The following STK33 variants were observed in gnomAD, a reference collection of about 807,000 sequenced individuals.
The protein encoded by STK33 is serine/threonine kinase 33, also known as serine/threonine-protein kinase 33.
STK33 carries 52 observed loss-of-function variants against 58.0 expected under a neutral mutation model. That is an observed-to-expected ratio of 0.90 (90% confidence interval 0.72 to 1.13). STK33 has a LOEUF of 1.13. STK33 is among the 50% of genes most tolerant of loss of function. STK33 has a pLI of 0.00. For synonymous variants in STK33, 215 were observed against 200.1 expected, an observed-to-expected ratio of 1.07 and a Z score of -0.63; for missense variants, 630 against 604.2, an observed-to-expected ratio of 1.04 and a Z score of -0.45.
intron 1 of STK33, among the ~76,000 whole-genome samples, chr11:8,514,302 T>C (rs1197765883): frequency 6.6e-6 from 1 of 152,258 alleles, no homozygotes; most frequent in Non-Finnish European, 1.5e-5. Context: ...ACACATTTTC[T>C]ACAAATTTTC....
the STK33 span, among the ~76,000 whole-genome samples, chr11:8,358,044 T>A: frequency 9.8e-5 from 15 of 152,318 alleles, no homozygotes; most frequent in South Asian, 1.7e-3. Context: ...TCACTCAGCC[T>A]CTTTTCCTAG....
intron 7 of STK33, among the ~76,000 whole-genome samples, chr11:8,464,299 G>A (rs754634909): frequency 6.6e-6 from 1 of 152,024 alleles, no homozygotes; most frequent in Non-Finnish European, 1.5e-5. Context: ...CAGAATTAGC[G>A]AACAGTGAGG....
chr11:8,438,132 A>T (rs1252707578), intron 12 of STK33, among the ~76,000 whole-genome samples: 1 of 152,192 alleles, frequency 6.6e-6, no homozygotes, highest in African/African-American at 2.4e-5. Context: ...ATGCAACTAT[A>T]GCTTAAGGGC....
At position 8,485,498 on chromosome 11, in the gene STK33, T is replaced by C. The variant is rs551510634; in HGVS notation, c.-465-4884A>G. Among the ~76,000 whole-genome samples the C allele has an allele frequency of 2.6e-4, 40 of 152,214 alleles. No individual in the cohort carries two copies. In the South Asian group the frequency reaches 8.3e-3, roughly 32 times the overall value. ...ATTCCACTATACTACAAACAGAAAATTGCAAAAATGTTCTATTGGTTGCTT... is the reference window on the plus strand; with the variant it reads ...ATTCCACTATACTACAAACAGAAAACTGCAAAAATGTTCTATTGGTTGCTT... On this transcript the variant is annotated intron_variant, in intron 1 of 15. Transcript: ENST00000687296.
chr11:8,369,221 C>T, the STK33 span, among the ~76,000 whole-genome samples: 1 of 151,754 alleles, frequency 6.6e-6, no homozygotes, highest in African/African-American at 2.4e-5. Flanking sequence ...GAACACTTAT[C>T]ATCTCTGGGT....
At chr11:8,518,081 C>T (rs1364748533) in intron 1 of STK33, among the ~76,000 whole-genome samples, 1 of 152,144 alleles carries the variant, frequency 6.6e-6, no homozygotes, top group Non-Finnish European at 1.5e-5. Context: ...ATGTTAAGGG[C>T]AGCCAGAGAG....
At chr11:8,567,401 G>A (rs1454253223) in intron 1 of STK33, 1 of 152,138 alleles carries the variant, frequency 6.6e-6, no homozygotes, top group Admixed American at 6.5e-5. Flanking sequence ...ACAGTTCAGT[G>A]CTATAATATT....
At chr11:8,367,113 G>A in the STK33 span, among the ~76,000 whole-genome samples, 2 of 152,226 alleles carry the variant, frequency 1.3e-5, no homozygotes, top group African/African-American at 2.4e-5. Context: ...GAAAGTATAC[G>A]TTTTGTATAT....
intron 1 of STK33, among the ~76,000 whole-genome samples, chr11:8,523,609 G>T (rs557988529): frequency 6.6e-6 from 1 of 151,600 alleles, no homozygotes; most frequent in Non-Finnish European, 1.5e-5. Flanking sequence ...CAGCCTCCCC[G>T]TCTGGGAAGT....
At chr11:8,560,825 T>A (rs1957068170) in intron 1 of STK33, among the ~76,000 whole-genome samples, 1 of 152,168 alleles carries the variant, frequency 6.6e-6, no homozygotes, top group Admixed American at 6.5e-5. Flanking sequence ...AGATGAAGAT[T>A]CTACAGCTAC....
intron 6 of STK33, among the ~76,000 whole-genome samples, chr11:8,471,289 T>G (rs1480058022): frequency 2.0e-4 from 30 of 152,180 alleles, no homozygotes; most frequent in African/African-American, 4.8e-5. Flanking sequence ...GGCCAACTAG[T>G]TTTTTACAAA....
intron 14 of STK33, among the ~76,000 whole-genome samples, chr11:8,422,975 C>A (rs4304764): frequency 0.58 from 86,170 of 149,460 alleles, 25,293 homozygotes; most frequent in South Asian, 0.71. Flanking sequence ...ACTACTAAAA[C>A]TCAGCCGGGC....
chr11:8,427,917 G>C (rs1336003193), intron 14 of STK33, among the ~76,000 whole-genome samples: 1 of 152,078 alleles, frequency 6.6e-6, no homozygotes, highest in Non-Finnish European at 1.5e-5. Context: ...TTTGAAACTT[G>C]GCCCCTAAGC....
At chr11:8,566,992 T>C (rs1227842338) in intron 1 of STK33, among the ~76,000 whole-genome samples, 1 of 151,878 alleles carries the variant, frequency 6.6e-6, no homozygotes, top group Non-Finnish European at 1.5e-5. Flanking sequence ...TACTAAAAAA[T>C]TAGCTGGGGT....
intron 15 of STK33, among the ~76,000 whole-genome samples, chr11:8,403,308 G>C (rs186702307): frequency 5.3e-5 from 8 of 152,186 alleles, no homozygotes; most frequent in African/African-American, 1.7e-4. Context: ...TGATGAATTC[G>C]TACCTGAAAC....
intron 8 of STK33, among the ~76,000 whole-genome samples, chr11:8,459,440 T>C (rs545039045): frequency 3.9e-5 from 6 of 152,294 alleles, no homozygotes; most frequent in African/African-American, 1.4e-4. Context: ...AAACTTACTC[T>C]AGATTTAGAC....
chr11:8,473,206 C>T lies in STK33; in HGVS notation c.296G>A (p.Gly99Glu). 7 of 1,613,382 alleles carry T rather than the reference C, an allele frequency of 4.3e-6. No individual in the cohort carries two copies. Among genetic ancestry groups the T allele is most frequent in the Non-Finnish European group, 5.9e-6 (7 of 1,179,730 alleles). Residue 99 changes from glycine (G) to glutamate (E), a missense_variant, in exon 6 of 16, where the codon GGA becomes GAA. Transcript: ENST00000687296. ...QQWGRGNFTE[G>E]KVPHIRIENG... ...CTCAATCCTTATGTGAGGAACTTTTCCTTCTGTAAAGTTGCCCCGACCCCA... is the reference window on the plus strand; with the variant it reads ...CTCAATCCTTATGTGAGGAACTTTTTCTTCTGTAAAGTTGCCCCGACCCCA...
intron 1 of STK33, among the ~76,000 whole-genome samples, chr11:8,590,606 T>A (rs1346721674): frequency 6.6e-6 from 1 of 152,190 alleles, no homozygotes. Flanking sequence ...TTACTGCCCC[T>A]CACCTTGTAA....
intron 15 of STK33, among the ~76,000 whole-genome samples, chr11:8,410,470 CTTTTT>C (rs11382344): frequency 8.2e-6 from 1 of 121,826 alleles, no homozygotes; most frequent in East Asian, 2.5e-4. Flanking sequence ...CTTTTCTTTT[CTTTTT>C]TTTTTTTTTT....
Sources: gnomAD v4.1 joint callset for allele counts (sites outside exome capture counted in the v4.1 genomes callset) on GRCh38, gnomAD v4.1.1 for gene constraint, MANE v1.5 for transcripts, NCBI Gene and HGNC (gene_info 2026-07-23, HGNC 2026-07-21) for gene names.